Variants in BOP1 observed in about 807,000 individuals in gnomAD.
BOP1 encodes the protein BOP1 ribosomal biogenesis factor.
BOP1 carries 54 observed loss-of-function variants against 82.9 expected under a neutral mutation model. The observed-to-expected ratio is 0.65, with a 90% CI of 0.52 to 0.82. The LOEUF is 0.82. Ranked by LOEUF, BOP1 falls within the 40% of genes least tolerant of loss-of-function variation. BOP1 has a pLI of 0.00. For synonymous variants in BOP1, 566 were observed against 451.1 expected (o/e 1.25, Z -3.23); for missense variants, 1,170 against 1,072.0 (o/e 1.09, Z -1.28).
intron 2 of BOP1, among the ~76,000 whole-genome samples, chr8:144,284,803 G>A (rs1435079913): frequency 6.6e-6 from 1 of 152,230 alleles, no homozygotes; most frequent in African/African-American, 2.4e-5. Flanking sequence ...AGGGTCGTGT[G>A]CATGTCAATG....
intron 3 of BOP1, among the ~76,000 whole-genome samples, chr8:144,267,931 G>A (rs935292502): frequency 3.3e-5 from 5 of 152,188 alleles, no homozygotes; most frequent in Admixed American, 2.0e-4. Context: ...TTACAATTTC[G>A]GCTGTGCAGC....
At chr8:144,279,300 AC>A (rs1237044385) in intron 2 of BOP1, among the ~76,000 whole-genome samples, 4 of 147,280 alleles carry the variant, frequency 2.7e-5, no homozygotes, top group African/African-American at 1.0e-4. Flanking sequence ...GGTCCCCTAT[AC>A]CACCATGGGC....
At position 144,262,603 on chromosome 8, in the gene BOP1, G is replaced by A. The variant is rs1301601269; in HGVS notation, c.1964C>T (p.Pro655Leu). 3 of 1,613,340 alleles carry A rather than the reference G, an allele frequency of 1.9e-6. No homozygotes were observed. The highest frequency in any genetic ancestry group is 2.5e-6 in the Non-Finnish European group (3 of 1,179,828). ...VWFDLDLSTKPYRMLRHHKKA... is the reference protein window; with the variant it reads ...VWFDLDLSTKLYRMLRHHKKA... ...CTTTCCTCACCTCAGCATCCTGTAT[G>A]GCTTGGTGGAAAGATCCAGGTCAAA... Residue 655 changes from proline (P) to leucine (L), a missense_variant, in exon 14 of 16, where the codon CCA becomes CTA. By Grantham distance (98) the Pro-to-Leu change is moderately conservative (BLOSUM62 -3). Transcript: ENST00000569669.
chr8:144,282,731 C>A (rs1293774193), intron 2 of BOP1, among the ~76,000 whole-genome samples: 5 of 152,252 alleles, frequency 3.3e-5, no homozygotes, highest in African/African-American at 1.2e-4. Context: ...GACCACCCCC[C>A]AGACACAGAG....
chr8:144,268,426 GAT>G, intron 3 of BOP1: 2 of 568,244 alleles, frequency 3.5e-6, no homozygotes, highest in African/African-American at 3.8e-5. Flanking sequence ...TTTTTGATAT[GAT>G]AATATAAAGT....
At chr8:144,283,201 CA>C (rs60868806) in intron 2 of BOP1, among the ~76,000 whole-genome samples, 13,250 of 54,386 alleles carry the variant, frequency 0.24, 847 homozygotes, top group East Asian at 0.4. Context: ...AACTCCATCT[CA>C]AAAAAAAAAA....
In BOP1 at chr8:144,289,088, C is replaced by T; in HGVS notation, c.309+7G>A. 3 of 1,614,064 alleles carry T rather than the reference C, an allele frequency of 1.9e-6. No homozygotes were observed. Among genetic ancestry groups the T allele is most frequent in the Non-Finnish European group, 2.5e-6 (3 of 1,180,006 alleles). On this transcript the variant is annotated splice_region_variant and intron_variant, in intron 2 of 15. Coordinates refer to ENST00000569669, the MANE Select transcript of BOP1 (RefSeq NM_015201.5). ...ACAGCCCTCGAGGGGGCTCCTCGCT[C>T]ACCCACCTGCACCTGCTCCTCAGTG...
intron 2 of BOP1, among the ~76,000 whole-genome samples, chr8:144,286,115 A>C (rs1409218005): frequency 1.3e-5 from 2 of 152,230 alleles, no homozygotes; most frequent in Non-Finnish European, 2.9e-5. Context: ...GTGGCCGCTC[A>C]GCAGGCCAAG....
intron 1 of BOP1, among the ~76,000 whole-genome samples, chr8:144,290,900 T>G (rs945361646): frequency 6.6e-6 from 1 of 152,238 alleles, no homozygotes; most frequent in Non-Finnish European, 1.5e-5. Context: ...GGTTTTCTTA[T>G]TCTCATGTCT....
intron 2 of BOP1, among the ~76,000 whole-genome samples, chr8:144,278,066 C>G (rs1289132853): frequency 6.6e-6 from 1 of 152,240 alleles, no homozygotes; most frequent in Non-Finnish European, 1.5e-5. Context: ...TCTCCAGCAC[C>G]ACCCGCAGTG....
rs1588603963 is a variant in BOP1, at chr8:144,281,092, TAATA to T, written c.310-4792_310-4789del. Among the ~76,000 whole-genome samples the T allele has an allele frequency of 9.0e-4, 136 of 151,042 alleles. 26 individuals carry two copies. The highest frequency in any genetic ancestry group is 1.6e-3 in the East Asian group (8 of 5,070). On this transcript the variant is annotated intron_variant, in intron 2 of 15. Transcript: ENST00000569669. ...CCAGGTCTTCGGCCTTCTCTCACTTTAATACCAGGTCTTCGGCCTTCTCTCAGTT... is the reference window on the plus strand; with the variant it reads ...CCAGGTCTTCGGCCTTCTCTCACTTTCCAGGTCTTCGGCCTTCTCTCAGTT...
chr8:144,274,974 C>T (rs965159952), intron 3 of BOP1, among the ~76,000 whole-genome samples: 10 of 152,178 alleles, frequency 6.6e-5, no homozygotes, highest in South Asian at 2.1e-4. Flanking sequence ...TGAGTGAGCC[C>T]GCTGCTCCGG....
intron 2 of BOP1, among the ~76,000 whole-genome samples, chr8:144,288,800 GCA>G (rs1814955286): frequency 6.6e-6 from 1 of 152,168 alleles, no homozygotes; most frequent in Non-Finnish European, 1.5e-5. Flanking sequence ...TGGATTCCAA[GCA>G]GTAAAATCCC....
intron 2 of BOP1, among the ~76,000 whole-genome samples, chr8:144,280,418 CAG>C (rs1335614558): frequency 3.9e-5 from 6 of 152,268 alleles, no homozygotes; most frequent in African/African-American, 7.2e-5. Flanking sequence ...ACCACAGCGA[CAG>C]GGGGCCCGAG....
intron 2 of BOP1, among the ~76,000 whole-genome samples, chr8:144,285,569 G>A (rs1275745236): frequency 2.6e-5 from 4 of 152,202 alleles, no homozygotes; most frequent in Non-Finnish European, 5.9e-5. Context: ...AAGACCACAC[G>A]AGTGGCCGTG....
chr8:144,265,051 G>A lies in BOP1; in HGVS notation c.411C>T (p.Gly137=), dbSNP rs1845325622. 185 of 1,611,362 alleles carry A rather than the reference G, an allele frequency of 1.1e-4. 5 individuals are homozygous for A. In the South Asian group the frequency reaches 1.8e-3, roughly 16 times the overall value. The change falls in exon 4 of 16, where the codon GGC becomes GGT. Residue 137 remains glycine, a synonymous_variant. Coordinates refer to ENST00000569669, the MANE Select transcript of BOP1 (RefSeq NM_015201.5). ...CATCGTACCACTCCAAGGGCACGTT[G>A]CCCACCGTGTTCCGGATGTCCTGCA... ...SDEEDIRNTV[G]NVPLEWYDDF...
intron 2 of BOP1, among the ~76,000 whole-genome samples, chr8:144,284,022 C>T (rs1403481667): frequency 2.0e-5 from 3 of 152,116 alleles, no homozygotes; most frequent in African/African-American, 4.8e-5. Flanking sequence ...GAGGCTGAGG[C>T]GGGAGAATCA....
At chr8:144,266,874 C>T (rs1845382841) in intron 3 of BOP1, 3 of 1,492,234 alleles carry the variant, frequency 2.0e-6, no homozygotes, top group East Asian at 2.9e-5. Flanking sequence ...AGCGAGACCG[C>T]ACCAACAGCG....
rs997973742 is a variant in BOP1, at chr8:144,262,446, C to T, written c.2037G>A (p.Ala679=). ...TGACACTGCCGTCGTCCGAGCCTGA[C>T]GCAAAGAGTGGGTACCGCGGGTGGA... The part of the protein sequence containing the change: ...VAFHPRYPLF[A]SGSDDGSVIV... Residue 679 remains alanine (A), a synonymous_variant, in exon 15 of 16, where the codon GCG becomes GCA. Transcript: ENST00000569669. The T allele has an allele frequency of 3.1e-5, 50 of 1,612,778 alleles. No individual in the cohort carries two copies. Among genetic ancestry groups the T allele is most frequent in the African/African-American group, 5.3e-5 (4 of 74,868 alleles).
Sources: gnomAD v4.1 joint callset for allele counts (sites outside exome capture counted in the v4.1 genomes callset) on GRCh38, gnomAD v4.1.1 for gene constraint, MANE v1.5 for transcripts, NCBI Gene and HGNC (gene_info 2026-07-23, HGNC 2026-07-21) for gene names.